HOXD3: variants seen among roughly 807,000 people sequenced by gnomAD.
HOXD3 encodes homeobox protein Hox-D3.
HOXD3 carries 13 observed loss-of-function variants against 32.8 expected under a neutral mutation model. That is an observed-to-expected ratio of 0.40 (90% CI 0.26 to 0.63). The LOEUF (loss-of-function observed/expected upper bound fraction) is 0.63, where lower values mean the gene tolerates loss of function less well. Among genes scored for constraint, HOXD3 ranks in the 20% least tolerant of loss-of-function variants. The probability of loss-of-function intolerance (pLI) is 0.44; values close to 1 mark genes in which losing one functional copy is unlikely to be tolerated. For synonymous variants in HOXD3, 241 were observed against 246.8 expected, an observed-to-expected ratio of 0.98 and a Z score of 0.22; for missense variants, 504 against 577.1, an observed-to-expected ratio of 0.87 and a Z score of 1.30.
chr2:176,156,604 G>A (rs1400928909), upstream of HOXD3, among the ~76,000 whole-genome samples: 3 of 152,066 alleles, frequency 2.0e-5, no homozygotes, highest in African/African-American at 7.2e-5. Context: ...TACTTTTCCA[G>A]TACTGTTAAG....
chr2:176,153,616 G>C (rs1690589192), upstream of HOXD3, among the ~76,000 whole-genome samples: 1 of 152,026 alleles, frequency 6.6e-6, no homozygotes, highest in Non-Finnish European at 1.5e-5. Context: ...ATCTTAAAAA[G>C]GTGAAAGGGG....
At chr2:176,154,763 G>A (rs1437879422), upstream of HOXD3, among the ~76,000 whole-genome samples, 1 of 152,076 alleles carries the variant, frequency 6.6e-6, no homozygotes, top group African/African-American at 2.4e-5. Flanking sequence ...TTCTCCTTGG[G>A]GTGAGCCTGG....
intron 1 of HOXD3, among the ~76,000 whole-genome samples, chr2:176,161,644 C>T (rs1553521510): frequency 6.6e-6 from 1 of 152,148 alleles, no homozygotes; most frequent in Non-Finnish European, 1.5e-5. Context: ...TTGCTGTTGG[C>T]TTAATTTTTT....
chr2:176,152,843 G>A (rs1238996035), upstream of HOXD3: 2 of 1,614,052 alleles, frequency 1.2e-6, no homozygotes, highest in African/African-American at 1.3e-5. This position sits in a 1 kb window ranked among gnomAD's most constrained non-coding sequence, Gnocchi z 5.2. Flanking sequence ...GCAGGTCATC[G>A]TCCTCATCTT....
intron 1 of HOXD3, among the ~76,000 whole-genome samples, chr2:176,161,684 T>C (rs1425036759): frequency 6.6e-6 from 1 of 152,188 alleles, no homozygotes; most frequent in African/African-American, 2.4e-5. Flanking sequence ...ACTGAGCTTT[T>C]CCTCCCAAAA....
upstream of HOXD3, among the ~76,000 whole-genome samples, chr2:176,154,513 T>C (rs1380613279): frequency 2.6e-5 from 4 of 152,312 alleles, no homozygotes; most frequent in East Asian, 7.7e-4. Context: ...AATTTTAAGA[T>C]CCAGAAGGGG....
intron 1 of HOXD3, among the ~76,000 whole-genome samples, chr2:176,161,934 G>A (rs1028570572): frequency 2.0e-5 from 3 of 152,324 alleles, no homozygotes; most frequent in African/African-American, 4.8e-5. Flanking sequence ...ACCCATCCCG[G>A]GTCTTTCCGT....
At chr2:176,159,919 C>T (rs1012276363) in intron 1 of HOXD3, among the ~76,000 whole-genome samples, 15 of 152,178 alleles carry the variant, frequency 9.9e-5, no homozygotes, top group African/African-American at 3.4e-4. Context: ...CTAGGCGGCT[C>T]CAGGCCTCGA....
chr2:176,171,729 G>A lies in HOXD3; in HGVS notation c.754G>A (p.Asp252Asn). 3.1e-6 allele frequency: 5 copies of A among 1,614,112 alleles called. No individual in the cohort carries two copies. Among genetic ancestry groups the A allele is most frequent in the Non-Finnish European group, 4.2e-6 (5 of 1,180,042 alleles). ...GAACCGGCGCATGAAGTACAAGAAG[G>A]ACCAGAAGGCCAAGGGCATCCTGCA... is the stretch of plus-strand genomic sequence containing the variant. ...FQNRRMKYKK[D>N]QKAKGILHSP... The change falls in exon 4 of 4, where the codon GAC (aspartate) becomes AAC (asparagine). Residue 252 changes from aspartate (D) to asparagine (N), a missense_variant. Around this residue, in one of 3 missense-constraint regions of HOXD3, gnomAD observed 97 missense variants for 158.0 expected, o/e 0.61. Transcript: ENST00000683222.
rs546647784 is a variant in HOXD3 at position 176,171,507 on chromosome 2, C to T, written c.542-10C>T. 2.1e-4 allele frequency: 329 copies of T among 1,569,816 alleles called. 2 individuals are homozygous for T. In the South Asian group the frequency reaches 3.8e-3, roughly 18 times the overall value. The stretch of plus-strand genomic sequence containing the variant: ...CGCTCAGCGCCCTCCCTCTCTCCCT[C>T]CCTGCCCAGGAGAGAGCTGCGAGGA... On this transcript the variant is annotated splice_polypyrimidine_tract_variant and intron_variant, in intron 3 of 3. Coordinates refer to ENST00000683222, the MANE Select transcript of HOXD3 (RefSeq NM_006898.5).
upstream of HOXD3, chr2:176,153,090 T>G: frequency 2.2e-6 from 1 of 449,024 alleles, no homozygotes; most frequent in Non-Finnish European, 4.1e-6. Flanking sequence ...TAGGTTAGCA[T>G]CCTGCCCGAG....
At chr2:176,161,996 C>T (rs919976496) in intron 1 of HOXD3, among the ~76,000 whole-genome samples, 16 of 152,194 alleles carry the variant, frequency 1.1e-4, no homozygotes, top group African/African-American at 3.4e-4. Flanking sequence ...GTTCCATGCT[C>T]GTGGTAATGC....
intron 3 of HOXD3, among the ~76,000 whole-genome samples, chr2:176,171,254 G>C (rs1037403444): frequency 2.0e-5 from 3 of 152,164 alleles, no homozygotes; most frequent in Non-Finnish European, 2.9e-5. Context: ...CTAGGCTGCA[G>C]GGGAGAGGGT....
chr2:176,153,485 C>G (rs926085071), upstream of HOXD3, among the ~76,000 whole-genome samples: 1 of 152,082 alleles, frequency 6.6e-6, no homozygotes, highest in Non-Finnish European at 1.5e-5. Context: ...AGTGGCCCCA[C>G]CTCCAAAGAA....
chr2:176,166,999 T>C (rs760709135), intron 2 of HOXD3, among the ~76,000 whole-genome samples: 6 of 152,140 alleles, frequency 3.9e-5, no homozygotes, highest in Non-Finnish European at 8.8e-5. Context: ...GGAAGGAAAG[T>C]TGCCTGAAAG....
chr2:176,169,200 T>C lies in HOXD3; in HGVS notation c.86T>C (p.Phe29Ser). 2 of 1,614,100 alleles carry C rather than the reference T, an allele frequency of 1.2e-6. No individual in the cohort carries two copies. The highest frequency in any genetic ancestry group is 1.7e-6 in the Non-Finnish European group (2 of 1,180,014). ...KAAYYENPGL[F>S]GGYGYSKTTD... is the part of the protein sequence containing the mutation. ...GCTTACTATGAAAACCCAGGACTGTTTGGAGGCTATGGCTACAGCAAAACT... is the reference window on the plus strand; with the variant it reads ...GCTTACTATGAAAACCCAGGACTGTCTGGAGGCTATGGCTACAGCAAAACT... Residue 29 changes from phenylalanine (F) to serine (S), a missense_variant, in exon 3 of 4, where the codon TTT becomes TCT. Transcript: ENST00000683222.
chr2:176,155,256 A>G (rs1253666718), upstream of HOXD3, among the ~76,000 whole-genome samples: 4 of 152,178 alleles, frequency 2.6e-5, no homozygotes, highest in South Asian at 2.1e-4. Flanking sequence ...AATTACATAT[A>G]TATAATAGAG....
At chr2:176,153,792 C>G (rs1301632097), upstream of HOXD3, among the ~76,000 whole-genome samples, 2 of 152,094 alleles carry the variant, frequency 1.3e-5, no homozygotes, top group East Asian at 3.9e-4. Context: ...GTGTTTTTTT[C>G]AGCACTGTGC....
chr2:176,168,955 C>A, intron 2 of HOXD3, 76 bp from the exon 3 acceptor site: 1 of 1,133,186 alleles, frequency 8.8e-7, no homozygotes. Flanking sequence ...AAGCAGAGAG[C>A]ATGGGCTAGT....
Sources: gnomAD v4.1 joint callset for allele counts (sites outside exome capture counted in the v4.1 genomes callset) on GRCh38, gnomAD v4.1.1 for gene constraint, gnomAD v4.1.1 regional missense constraint, Gnocchi (gnomAD v3.1) non-coding constraint, MANE v1.5 for transcripts, NCBI Gene and HGNC (gene_info 2026-07-23, HGNC 2026-07-21) for gene names.